CTNND2: variants seen among roughly 807,000 people sequenced by gnomAD.
CTNND2 encodes the protein catenin delta 2.
CTNND2 carries 22 observed loss-of-function variants against 144.4 expected under a neutral mutation model. That is an observed-to-expected ratio of 0.15 (90% CI 0.11 to 0.22). The LOEUF is 0.22. CTNND2 is among the 10% of genes least tolerant of loss of function. CTNND2 has a pLI of 1.00. For synonymous variants in CTNND2, 751 were observed against 695.6 expected, an observed-to-expected ratio of 1.08 and a Z score of -1.25; for missense variants, 1,353 against 1,618.8, an observed-to-expected ratio of 0.84 and a Z score of 2.82.
intron 7 of CTNND2, among the ~76,000 whole-genome samples, chr5:11,380,946 C>T (rs1207880028): frequency 6.6e-6 from 1 of 152,184 alleles, no homozygotes; most frequent in Non-Finnish European, 1.5e-5. Context: ...CTATGCAAAA[C>T]CAAGATCTTA....
intron 9 of CTNND2, among the ~76,000 whole-genome samples, chr5:11,332,215 C>A (rs977706477): frequency 6.8e-6 from 1 of 147,958 alleles, no homozygotes; most frequent in Non-Finnish European, 1.5e-5. Context: ...GCGGAGGTTT[C>A]GGTGAGTGGA....
chr5:11,466,997 A>G (rs1766744349), intron 3 of CTNND2, among the ~76,000 whole-genome samples: 1 of 152,226 alleles, frequency 6.6e-6, no homozygotes, highest in Non-Finnish European at 1.5e-5. Context: ...ACAGCAAAAG[A>G]CCTGAGCCAG....
At chr5:11,572,326 C>G (rs991823304) in intron 2 of CTNND2, among the ~76,000 whole-genome samples, 1 of 152,158 alleles carries the variant, frequency 6.6e-6, no homozygotes. Flanking sequence ...AAGTCCCATA[C>G]TTCAGGTTTC....
chr5:11,656,634 A>G (rs1782930195), intron 2 of CTNND2, among the ~76,000 whole-genome samples: 2 of 152,110 alleles, frequency 1.3e-5, no homozygotes, highest in Admixed American at 1.3e-4. Flanking sequence ...AACAGTGGAA[A>G]CTCATTGACA....
At chr5:11,104,439 A>G (rs990154266) in intron 14 of CTNND2, among the ~76,000 whole-genome samples, 2 of 152,166 alleles carry the variant, frequency 1.3e-5, no homozygotes, top group African/African-American at 4.8e-5. Context: ...TTTAAAAAGC[A>G]ACAATAAAAA....
intron 2 of CTNND2, among the ~76,000 whole-genome samples, chr5:11,726,202 C>T (rs1787008001): frequency 6.6e-6 from 1 of 151,938 alleles, no homozygotes; most frequent in Non-Finnish European, 1.5e-5. Flanking sequence ...AAAATGGAAT[C>T]AATCTAAGAT....
At chr5:11,620,035 T>C (rs927762241) in intron 2 of CTNND2, among the ~76,000 whole-genome samples, 3 of 147,884 alleles carry the variant, frequency 2.0e-5, no homozygotes, top group Non-Finnish European at 2.9e-5. Context: ...TTTTAATCGA[T>C]GATATTTTGC....
chr5:11,885,519 C>T (rs1736454470), intron 1 of CTNND2, among the ~76,000 whole-genome samples: 1 of 152,204 alleles, frequency 6.6e-6, no homozygotes, highest in East Asian at 1.9e-4. Context: ...AATATATATG[C>T]ACTCAACACC....
At chr5:11,825,185 C>G (rs894132200) in intron 1 of CTNND2, among the ~76,000 whole-genome samples, 1 of 151,986 alleles carries the variant, frequency 6.6e-6, no homozygotes, top group Non-Finnish European at 1.5e-5. Context: ...CACATAGGAA[C>G]TTTAAAAGAA....
At chr5:11,545,804 T>A (rs1775189203) in intron 3 of CTNND2, among the ~76,000 whole-genome samples, 1 of 152,040 alleles carries the variant, frequency 6.6e-6, no homozygotes, top group Non-Finnish European at 1.5e-5. Flanking sequence ...AACTTGTACA[T>A]GAATGTTCAT....
At chr5:11,749,531 G>GAAAGGTTGA (rs1788494024) in intron 1 of CTNND2, among the ~76,000 whole-genome samples, 1 of 151,960 alleles carries the variant, frequency 6.6e-6, no homozygotes, top group African/African-American at 2.4e-5. Context: ...CTCCTCAGGA[G>GAAAGGTTGA]CCATCTCCAA....
At chr5:11,720,282 G>A (rs529410886) in intron 2 of CTNND2, among the ~76,000 whole-genome samples, 1 of 152,200 alleles carries the variant, frequency 6.6e-6, no homozygotes, top group East Asian at 1.9e-4. Flanking sequence ...ATTGTCACTA[G>A]CAATGTAAAC....
chr5:11,072,094 T>C (rs546511233), intron 16 of CTNND2, among the ~76,000 whole-genome samples: 1 of 152,344 alleles, frequency 6.6e-6, no homozygotes, highest in African/African-American at 2.4e-5. Flanking sequence ...TCAATTAAAA[T>C]GTAATACCAC....
At chr5:11,756,569 T>C (rs561231091) in intron 1 of CTNND2, among the ~76,000 whole-genome samples, 225 of 151,734 alleles carry the variant, frequency 1.5e-3, no homozygotes, top group Non-Finnish European at 2.8e-3. Flanking sequence ...CCCCTATCCA[T>C]TTACATATAT....
At chr5:11,890,006 A>G (rs530125879) in intron 1 of CTNND2, among the ~76,000 whole-genome samples, 2 of 152,326 alleles carry the variant, frequency 1.3e-5, no homozygotes, top group East Asian at 3.9e-4. Context: ...ATATAAATTC[A>G]CTTTGAGAAA....
chr5:11,705,352 T>C (rs1212596065), intron 2 of CTNND2, among the ~76,000 whole-genome samples: 1 of 152,172 alleles, frequency 6.6e-6, no homozygotes, highest in Non-Finnish European at 1.5e-5. Context: ...CACTTGAGAA[T>C]AATTATTAGA....
rs894663646 is a variant in CTNND2, at chr5:11,531,308, C to T, written c.287+33636G>A. Among the ~76,000 whole-genome samples the T allele has an allele frequency of 5.9e-5, 9 of 152,078 alleles. No individual in the cohort carries two copies. In the South Asian group the frequency reaches 8.3e-4, roughly 14 times the overall value. Reference sequence around the variant, plus strand: ...GGGAGTCAGGGATGGGAGGGAAACACGGCCCCCCACACAGTGAGCTAAAAA... The same window carrying T: ...GGGAGTCAGGGATGGGAGGGAAACATGGCCCCCCACACAGTGAGCTAAAAA... On this transcript the variant is annotated intron_variant, in intron 3 of 21. Transcript: ENST00000304623.
At chr5:11,616,972 T>A (rs1416912428) in intron 2 of CTNND2, among the ~76,000 whole-genome samples, 2 of 152,164 alleles carry the variant, frequency 1.3e-5, no homozygotes, top group Non-Finnish European at 2.9e-5. Context: ...GCAGCCTTTC[T>A]CCTAGGTATT....
intron 9 of CTNND2, among the ~76,000 whole-genome samples, chr5:11,328,216 A>G (rs1752731026): frequency 6.6e-6 from 1 of 152,034 alleles, no homozygotes. Flanking sequence ...TCTTACACAA[A>G]CCTTTCAAAT....
Sources: gnomAD v4.1 joint callset for allele counts (sites outside exome capture counted in the v4.1 genomes callset) on GRCh38, gnomAD v4.1.1 for gene constraint, MANE v1.5 for transcripts, NCBI Gene and HGNC (gene_info 2026-07-23, HGNC 2026-07-21) for gene names.